GRIN2B: variants seen among roughly 807,000 people sequenced by gnomAD.
The protein encoded by GRIN2B is glutamate receptor ionotropic, NMDA 2B.
A neutral mutation model predicts 114.5 loss-of-function variants in GRIN2B; 5 were observed. That is an observed-to-expected ratio of 0.04 (90% CI 0.02 to 0.09). The LOEUF is 0.09. Ranked by LOEUF, GRIN2B falls within the 10% of genes least tolerant of loss-of-function variation. The pLI is 1.00. For synonymous variants in GRIN2B, 787 were observed against 745.1 expected (o/e 1.06, Z -0.92); for missense variants, 1,108 against 1,943.5 (o/e 0.57, Z 8.08).
At chr12:13,847,846 T>C (rs1015573808) in intron 3 of GRIN2B, among the ~76,000 whole-genome samples, 8 of 152,170 alleles carry the variant, frequency 5.3e-5, no homozygotes, top group African/African-American at 1.9e-4. Flanking sequence ...TTAAGCCCTC[T>C]CTGTAGTGTG....
chr12:13,654,962 G>A (rs892394604), intron 5 of GRIN2B, among the ~76,000 whole-genome samples: 7 of 152,034 alleles, frequency 4.6e-5, no homozygotes, highest in Admixed American at 4.6e-4. Flanking sequence ...GAAAGGACAG[G>A]AACCCAGGAG....
At chr12:13,804,082 G>T (rs1313093143) in intron 3 of GRIN2B, among the ~76,000 whole-genome samples, 2 of 151,326 alleles carry the variant, frequency 1.3e-5, no homozygotes, top group Non-Finnish European at 2.9e-5. Context: ...TGCATTCCTG[G>T]GTGATCAAGT....
rs1415893973 is a variant in GRIN2B, at chr12:13,687,243, T to C, written c.1011-11384A>G. The stretch of plus-strand genomic sequence containing the variant: ...AATAAAATCAGTAGCCTTTGCTGTA[T>C]CATCATTCTCCTAAGTGTTCTATAG... On this transcript the variant is annotated intron_variant, in intron 4 of 13. Coordinates refer to ENST00000609686, the MANE Select transcript of GRIN2B (RefSeq NM_000834.5). Among the ~76,000 whole-genome samples the C allele has an allele frequency of 3.9e-5, 6 of 152,222 alleles. No individual in the cohort carries two copies. In the East Asian group the frequency reaches 7.7e-4, roughly 20 times the overall value.
chr12:13,880,060 C>A lies in GRIN2B; in HGVS notation c.-18-13834G>T, dbSNP rs191290636. ...AATTCAGCCACAAGGACCTGACACC[C>A]CTGCACAGAAAAGCACACACACTCC... On this transcript the variant is annotated intron_variant, in intron 2 of 13. Transcript: ENST00000609686. Among the ~76,000 whole-genome samples, 11 of 152,238 alleles carry A rather than the reference C, an allele frequency of 7.2e-5. No homozygotes were observed. The East Asian group carries it at 1.7e-3, about 24-fold the overall frequency.
intron 2 of GRIN2B, among the ~76,000 whole-genome samples, chr12:13,911,491 A>G (rs1374368133): frequency 6.6e-6 from 1 of 152,194 alleles, no homozygotes; most frequent in Non-Finnish European, 1.5e-5. Flanking sequence ...AGTTTGTGTC[A>G]ATACTCATTA....
At chr12:13,572,023 A>G (rs1948715438) in intron 10 of GRIN2B, 59 bp from the exon 11 acceptor site, 3 of 1,356,536 alleles carry the variant, frequency 2.2e-6, no homozygotes, top group Non-Finnish European at 3.1e-6. Flanking sequence ...AGAGAGAGAA[A>G]AGTCATTTTA....
intron 4 of GRIN2B, among the ~76,000 whole-genome samples, chr12:13,722,404 T>C (rs367740667): frequency 2.0e-5 from 3 of 152,042 alleles, no homozygotes; most frequent in Admixed American, 6.6e-5. Flanking sequence ...AAATTCAAGA[T>C]CTTTTGCTTT....
intron 4 of GRIN2B, among the ~76,000 whole-genome samples, chr12:13,735,838 A>G (rs1480829521): frequency 1.3e-5 from 2 of 152,112 alleles, no homozygotes; most frequent in African/African-American, 2.4e-5. Context: ...GACAGCTGGG[A>G]CAACCGAGTG....
rs970355893 is a variant in GRIN2B, at chr12:13,558,258, A to G, written c.*4525T>C. ...CTGGAAATGCTGAATGCATTCATCAATATCACTGCAGTGACATCATTTATG... is the reference window on the plus strand; with the variant it reads ...CTGGAAATGCTGAATGCATTCATCAGTATCACTGCAGTGACATCATTTATG... On this transcript the variant is annotated 3_prime_UTR_variant, in exon 14 of 14. Transcript: ENST00000609686. 4 of 152,170 alleles carry G rather than the reference A, an allele frequency of 2.6e-5. No homozygotes were observed. Among genetic ancestry groups the G allele is most frequent in the African/African-American group, 7.2e-5 (3 of 41,422 alleles). 9.4% of individuals were successfully genotyped at this position (152,170 alleles called of 1,614,324 possible).
At chr12:13,746,035 T>G (rs527624057) in intron 4 of GRIN2B, among the ~76,000 whole-genome samples, 1 of 152,140 alleles carries the variant, frequency 6.6e-6, no homozygotes, top group East Asian at 1.9e-4. Flanking sequence ...CAAAAAAAAT[T>G]TTTTAAATAT....
At chr12:13,953,826 T>C (rs570056359) in intron 2 of GRIN2B, among the ~76,000 whole-genome samples, 1 of 152,346 alleles carries the variant, frequency 6.6e-6, no homozygotes, top group South Asian at 2.1e-4. Flanking sequence ...CCATGCCCCA[T>C]TTAGCTTTCA....
At chr12:13,687,200 A>C (rs1950180170) in intron 4 of GRIN2B, among the ~76,000 whole-genome samples, 1 of 152,230 alleles carries the variant, frequency 6.6e-6, no homozygotes, top group Non-Finnish European at 1.5e-5. Context: ...AAAATAAACT[A>C]AGACAAAGAT....
At chr12:13,592,414 C>T (rs10772695) in intron 10 of GRIN2B, among the ~76,000 whole-genome samples, 100,373 of 152,082 alleles carry the variant, frequency 0.66, 35,901 homozygotes, top group East Asian at 0.83. Context: ...CCCTCCATCC[C>T]CTGCATCTTG....
chr12:13,871,255 TA>T (rs1260361558), intron 2 of GRIN2B, among the ~76,000 whole-genome samples: 6 of 151,992 alleles, frequency 3.9e-5, no homozygotes, highest in Non-Finnish European at 7.4e-5. Flanking sequence ...TGAAAAATAT[TA>T]AATCTACAAA....
At chr12:13,910,163 C>T (rs1866606215) in intron 2 of GRIN2B, among the ~76,000 whole-genome samples, 1 of 152,112 alleles carries the variant, frequency 6.6e-6, no homozygotes, top group South Asian at 2.1e-4. Flanking sequence ...GATCTTATTA[C>T]TATTAAATAC....
At chr12:13,827,420 A>G (rs1187129267) in intron 3 of GRIN2B, among the ~76,000 whole-genome samples, 1 of 151,338 alleles carries the variant, frequency 6.6e-6, no homozygotes, top group Non-Finnish European at 1.5e-5. Context: ...ATACATGTGG[A>G]CTGATAGATA....
intron 2 of GRIN2B, among the ~76,000 whole-genome samples, chr12:13,889,097 T>C (rs907097551): frequency 2.0e-5 from 3 of 152,222 alleles, no homozygotes; most frequent in Non-Finnish European, 4.4e-5. Flanking sequence ...TAAGCTTTTT[T>C]CTATTTTAAA....
intron 3 of GRIN2B, among the ~76,000 whole-genome samples, chr12:13,760,180 A>G (rs1382632804): frequency 6.6e-6 from 1 of 152,098 alleles, no homozygotes; most frequent in Admixed American, 6.5e-5. Flanking sequence ...ATGATTACTT[A>G]TTTGACATGT....
intron 2 of GRIN2B, among the ~76,000 whole-genome samples, chr12:13,972,204 A>G (rs1036283049): frequency 2.6e-5 from 4 of 152,248 alleles, no homozygotes; most frequent in Admixed American, 6.5e-5. Flanking sequence ...CATGGGCATC[A>G]TTCTTTTCTT....
Sources: gnomAD v4.1 joint callset for allele counts (sites outside exome capture counted in the v4.1 genomes callset) on GRCh38, gnomAD v4.1.1 for gene constraint, MANE v1.5 for transcripts, NCBI Gene and HGNC (gene_info 2026-07-23, HGNC 2026-07-21) for gene names.